NCKAP5: variants seen among roughly 807,000 people sequenced by gnomAD.
NCKAP5 encodes nck-associated protein 5.
NCKAP5 carries 92 observed loss-of-function variants against 167.0 expected under a neutral mutation model. That is an observed-to-expected ratio of 0.55 (90% CI 0.47 to 0.66). The LOEUF (loss-of-function observed/expected upper bound fraction) is 0.66, where lower values mean the gene tolerates loss of function less well. Among genes scored for constraint, NCKAP5 ranks in the 30% least tolerant of loss-of-function variants. The probability of loss-of-function intolerance (pLI) is 0.00; values close to 1 mark genes in which losing one functional copy is unlikely to be tolerated. For missense variants in NCKAP5, 2,378 were observed against 2,315.0 expected, an observed-to-expected ratio of 1.03 and a Z score of -0.56; for synonymous variants, 891 against 877.4, an observed-to-expected ratio of 1.02 and a Z score of -0.27.
intron 8 of NCKAP5, among the ~76,000 whole-genome samples, chr2:132,889,930 AAAG>A (rs1463491315): frequency 1.3e-5 from 2 of 152,198 alleles, no homozygotes; most frequent in Non-Finnish European, 2.9e-5. Context: ...AAGAAGGTGG[AAAG>A]AAGATGTCCT....
chr2:133,193,852 C>T (rs1338061667), intron 5 of NCKAP5, among the ~76,000 whole-genome samples: 2 of 151,952 alleles, frequency 1.3e-5, no homozygotes, highest in Non-Finnish European at 2.9e-5. Context: ...GATTTAATTC[C>T]AAAGTATATT....
chr2:133,431,258 T>C (rs546236356), intron 3 of NCKAP5, among the ~76,000 whole-genome samples: 1 of 152,316 alleles, frequency 6.6e-6, no homozygotes, highest in East Asian at 1.9e-4. Context: ...AATGCTGCTT[T>C]CCTGCCAGGT....
chr2:132,970,061 C>T (rs994191885), intron 7 of NCKAP5, among the ~76,000 whole-genome samples: 1 of 152,044 alleles, frequency 6.6e-6, no homozygotes, highest in Non-Finnish European at 1.5e-5. Context: ...GAGGAAAGAC[C>T]TGAGAGAGCG....
At chr2:132,925,873 T>G (rs1035914695) in intron 8 of NCKAP5, among the ~76,000 whole-genome samples, 1 of 152,200 alleles carries the variant, frequency 6.6e-6, no homozygotes, top group African/African-American at 2.4e-5. Context: ...GGTGTTATGT[T>G]TTTTACTAAT....
chr2:133,084,932 T>C (rs2080935157), intron 6 of NCKAP5, among the ~76,000 whole-genome samples: 1 of 152,190 alleles, frequency 6.6e-6, no homozygotes, highest in Admixed American at 6.5e-5. Flanking sequence ...GATTACAAAG[T>C]TTAACAAAGT....
chr2:133,211,568 T>C (rs1019954439), intron 5 of NCKAP5, among the ~76,000 whole-genome samples: 2 of 152,202 alleles, frequency 1.3e-5, no homozygotes, highest in Non-Finnish European at 2.9e-5. Context: ...TATTTTCTCA[T>C]AGCTGCTTCT....
At chr2:133,326,856 G>T (rs1229211578) in intron 3 of NCKAP5, among the ~76,000 whole-genome samples, 1 of 152,190 alleles carries the variant, frequency 6.6e-6, no homozygotes, top group Non-Finnish European at 1.5e-5. Context: ...CTGGGTGCTT[G>T]CTGGAAATGC....
At chr2:133,082,648 G>C (rs771956339) in intron 6 of NCKAP5, among the ~76,000 whole-genome samples, 1 of 152,026 alleles carries the variant, frequency 6.6e-6, no homozygotes, top group African/African-American at 2.4e-5. Context: ...ACAGAGCAGG[G>C]GCTTTCCTCT....
At chr2:133,562,430 G>A (rs984159959) in intron 1 of NCKAP5, among the ~76,000 whole-genome samples, 4 of 152,198 alleles carry the variant, frequency 2.6e-5, no homozygotes, top group African/African-American at 9.6e-5. Flanking sequence ...AACCATTTGA[G>A]AAATGCCTTT....
chr2:133,523,060 A>G (rs1684602063), intron 2 of NCKAP5, among the ~76,000 whole-genome samples: 1 of 151,304 alleles, frequency 6.6e-6, no homozygotes, highest in African/African-American at 2.4e-5. Context: ...TAGTGAAACT[A>G]CTTCTACTCA....
At chr2:133,499,862 T>A (rs1301991066) in intron 3 of NCKAP5, among the ~76,000 whole-genome samples, 2 of 152,180 alleles carry the variant, frequency 1.3e-5, no homozygotes, top group African/African-American at 2.4e-5. Flanking sequence ...CTGGCCCCAG[T>A]GTTCTCATTT....
In NCKAP5 at chr2:133,188,181, T is replaced by G. The variant is rs142712035; in HGVS notation, c.207+25535A>C. On this transcript the variant is annotated intron_variant, in intron 5 of 19. Coordinates refer to ENST00000409261, the MANE Select transcript of NCKAP5 (RefSeq NM_207363.3). The stretch of plus-strand genomic sequence containing the variant: ...TAAGGCAGACCTGGTGGTGACAAAA[T>G]CTCTCAGCATTTGCTTAATGGTAAG... Among the ~76,000 whole-genome samples the G allele has an allele frequency of 1.4e-3, 214 of 151,950 alleles. 1 individual carries two copies. The highest frequency in any genetic ancestry group is 4.9e-3 in the African/African-American group (205 of 41,486).
At chr2:133,562,573 T>C (rs1327296160) in intron 1 of NCKAP5, among the ~76,000 whole-genome samples, 1 of 152,224 alleles carries the variant, frequency 6.6e-6, no homozygotes, top group Non-Finnish European at 1.5e-5. Context: ...CTAACAGCTC[T>C]TCTTTCAACA....
At chr2:132,837,707 A>C (rs1374726473) in intron 11 of NCKAP5, among the ~76,000 whole-genome samples, 1 of 152,088 alleles carries the variant, frequency 6.6e-6, no homozygotes, top group African/African-American at 2.4e-5. Flanking sequence ...ACTTTTGACT[A>C]TCCATTAACA....
intron 4 of NCKAP5, among the ~76,000 whole-genome samples, chr2:133,276,047 G>GCTC (rs2089715343): frequency 6.6e-6 from 1 of 151,488 alleles, no homozygotes; most frequent in African/African-American, 2.4e-5. Context: ...TCCTCTTTTT[G>GCTC]CTCCTCCTCC....
At chr2:133,283,429 T>A (rs2089998485) in intron 4 of NCKAP5, among the ~76,000 whole-genome samples, 1 of 152,142 alleles carries the variant, frequency 6.6e-6, no homozygotes, top group South Asian at 2.1e-4. Context: ...TAGATATAAT[T>A]CTAAAATCAT....
Position 132,794,307 on chromosome 2 carries a change from G to GAGAGAGAGT in NCKAP5, c.909+2320_909+2321insACTCTCTCT, listed in dbSNP as rs1553443904. On this transcript the variant is annotated intron_variant, in intron 12 of 19. Coordinates refer to ENST00000409261, the MANE Select transcript of NCKAP5 (RefSeq NM_207363.3). ...AGAGAGAGAGAGAGAGAGAGAGAGA[G>GAGAGAGAGT]GGTGGCGGGAAGAGAGAGAGAAAGA... Among the ~76,000 whole-genome samples, 33 of 101,186 alleles carry GAGAGAGAGT rather than the reference G, an allele frequency of 3.3e-4. 2 individuals carry two copies. The highest frequency in any genetic ancestry group is 1.0e-3 in the South Asian group (3 of 2,946). The allele number at this position is 101,186 out of a possible 152,430, so 66.4% of individuals were successfully genotyped here. A position where few individuals can be genotyped will look rare whatever the true frequency, so the allele number is the denominator to read the frequency against.
chr2:133,095,532 C>T (rs2081318193), intron 6 of NCKAP5, among the ~76,000 whole-genome samples: 3 of 152,206 alleles, frequency 2.0e-5, no homozygotes, highest in South Asian at 2.1e-4. Context: ...CTCAAACTAA[C>T]CTACTGAATG....
chr2:133,025,580 T>C (rs959618148), intron 6 of NCKAP5, among the ~76,000 whole-genome samples: 1 of 152,162 alleles, frequency 6.6e-6, no homozygotes, highest in African/African-American at 2.4e-5. Context: ...AGCCTGACAC[T>C]TTGTTAATTA....
Sources: allele counts gnomAD v4.1 joint callset (sites outside exome capture counted in the v4.1 genomes callset), GRCh38; gene constraint gnomAD v4.1.1; transcripts MANE v1.5; gene names NCBI Gene and HGNC (gene_info 2026-07-23, HGNC 2026-07-21).